RASGRF1: variants seen among roughly 807,000 people sequenced by gnomAD.
The protein encoded by RASGRF1 is ras-specific guanine nucleotide-releasing factor 1.
Under a neutral mutation model 138.7 loss-of-function variants are expected in RASGRF1, and 40 were observed. The observed-to-expected ratio is 0.29, with a 90% CI of 0.22 to 0.38. The LOEUF (loss-of-function observed/expected upper bound fraction) is 0.38, where lower values mean the gene tolerates loss of function less well. RASGRF1 is among the 10% of genes least tolerant of loss of function. The pLI is 1.00. For missense variants in RASGRF1, 1,108 were observed against 1,650.4 expected (o/e 0.67, Z 5.69); for synonymous variants, 614 against 663.2 (o/e 0.93, Z 1.14).
At chr15:78,985,286 T>G in intron 22 of RASGRF1, 82 bp from the exon 23 acceptor site, 1 of 1,331,564 alleles carries the variant, frequency 7.5e-7, no homozygotes, top group Non-Finnish European at 1.0e-6. Context: ...GCAGATATGA[T>G]TGCCTGCTTG....
chr15:79,075,095 T>C (rs571857443), intron 1 of RASGRF1, among the ~76,000 whole-genome samples: 6 of 152,188 alleles, frequency 3.9e-5, no homozygotes, highest in Non-Finnish European at 8.8e-5. Context: ...CAACCATGGC[T>C]GGACACTGGA....
intron 10 of RASGRF1, among the ~76,000 whole-genome samples, chr15:79,020,651 G>A (rs945012332): frequency 3.9e-5 from 6 of 152,190 alleles, no homozygotes; most frequent in Non-Finnish European, 7.3e-5. Context: ...CCCAGTCCTG[G>A]TCAGTTACTT....
At chr15:79,035,029 G>T in intron 6 of RASGRF1, 102 bp downstream of exon 6, 1 of 914,234 alleles carries the variant, frequency 1.1e-6, no homozygotes, top group Non-Finnish European at 1.6e-6. Context: ...TTTAAAAAGT[G>T]ACACTCTATT....
chr15:79,080,473 A>G (rs1404220950), intron 1 of RASGRF1, among the ~76,000 whole-genome samples: 1 of 152,238 alleles, frequency 6.6e-6, no homozygotes, highest in Non-Finnish European at 1.5e-5. Flanking sequence ...AGTTTGGCTA[A>G]GAGCCCAAGA....
At chr15:78,985,471 T>C in intron 22 of RASGRF1, 1 of 368,218 alleles carries the variant, frequency 2.7e-6, no homozygotes, top group East Asian at 5.2e-5. Context: ...TGTAAATACC[T>C]AGGAACTTAA....
At chr15:78,981,889 C>T (rs1393922440) in intron 23 of RASGRF1, among the ~76,000 whole-genome samples, 1 of 152,236 alleles carries the variant, frequency 6.6e-6, no homozygotes, top group Non-Finnish European at 1.5e-5. Flanking sequence ...GCTGGATGCC[C>T]TGGCCCACCT....
At chr15:78,966,225 ATTTT>A (rs3063545) in intron 26 of RASGRF1, among the ~76,000 whole-genome samples, 1,520 of 110,706 alleles carry the variant, frequency 0.014, 27 homozygotes, top group African/African-American at 0.045. Flanking sequence ...GAGGACTTAA[ATTTT>A]TTTTTTTTTT....
intron 1 of RASGRF1, among the ~76,000 whole-genome samples, chr15:79,071,567 G>C (rs1375634925): frequency 6.8e-6 from 1 of 146,668 alleles, no homozygotes; most frequent in African/African-American, 2.6e-5. Flanking sequence ...ACGGGGTTTT[G>C]CCATGTTGGC....
intron 24 of RASGRF1, among the ~76,000 whole-genome samples, chr15:78,977,403 G>A (rs752266772): frequency 6.6e-6 from 1 of 152,176 alleles, no homozygotes; most frequent in Non-Finnish European, 1.5e-5. Flanking sequence ...CGAGGTACAG[G>A]GTGATCAGGT....
chr15:79,045,005 AT>A (rs1415251759), intron 5 of RASGRF1, among the ~76,000 whole-genome samples: 2 of 152,218 alleles, frequency 1.3e-5, no homozygotes, highest in African/African-American at 4.8e-5. Flanking sequence ...CTTAGTGATG[AT>A]GATAAATGGT....
chr15:79,015,101 T>A (rs2056859079), intron 13 of RASGRF1, among the ~76,000 whole-genome samples: 1 of 150,132 alleles, frequency 6.7e-6, no homozygotes. Flanking sequence ...CCTATGGAAA[T>A]AAAAAATTTA....
At position 79,072,267 on chromosome 15, in the gene RASGRF1, CTTTTTTTTTTTTT is replaced by C. The variant is rs758415767; in HGVS notation, c.277-7754_277-7742del. 4.9e-4 allele frequency among the ~76,000 whole-genome samples: 30 copies of C among 61,586 alleles called. 1 individual carries two copies. In the East Asian group the frequency reaches 0.025, roughly 51 times the overall value. 40.4% of individuals were successfully genotyped at this position (61,586 alleles called of 152,430 possible). On this transcript the variant is annotated intron_variant, in intron 1 of 26. Transcript: ENST00000558480. ...TTTCTGGGAGTTCTTGATAAACAATCTTTTTTTTTTTTTTTTTTTTTTTTTTGAGACGCAGTCT... is the reference window on the plus strand; with the variant it reads ...TTTCTGGGAGTTCTTGATAAACAATCTTTTTTTTTTTTTGAGACGCAGTCT...
chr15:79,009,617 G>A (rs1386890875), intron 13 of RASGRF1, among the ~76,000 whole-genome samples: 1 of 152,190 alleles, frequency 6.6e-6, no homozygotes, highest in Non-Finnish European at 1.5e-5. Context: ...AAGAGAAAGT[G>A]AAGAAAAGCC....
intron 24 of RASGRF1, among the ~76,000 whole-genome samples, chr15:78,974,535 A>G (rs1231684230): frequency 6.6e-6 from 1 of 152,228 alleles, no homozygotes; most frequent in Non-Finnish European, 1.5e-5. Flanking sequence ...CAATGATAGC[A>G]GCTAAGACAG....
chr15:79,004,393 T>C (rs2141715760), intron 14 of RASGRF1, among the ~76,000 whole-genome samples: 1 of 152,286 alleles, frequency 6.6e-6, no homozygotes, highest in South Asian at 2.1e-4. Flanking sequence ...GCAGAGGATC[T>C]GGGGCTTCTA....
intron 26 of RASGRF1, among the ~76,000 whole-genome samples, chr15:78,970,184 C>T (rs911825059): frequency 1.3e-5 from 2 of 152,072 alleles, no homozygotes; most frequent in African/African-American, 4.8e-5. Context: ...GAACTGCACA[C>T]TAGGAGGTTA....
At chr15:79,031,214 G>A (rs896589942) in intron 8 of RASGRF1, among the ~76,000 whole-genome samples, 186 bp downstream of exon 8, 1 of 152,162 alleles carries the variant, frequency 6.6e-6, no homozygotes. Flanking sequence ...GCCTACCGGG[G>A]CTTGAGTTGT....
In RASGRF1 at chr15:78,984,999, G is replaced by A. The variant is rs1323925774; in HGVS notation, c.3414+8C>T. ...AGGGAGGCAGTGGTGCCAGCCTCCT[G>A]CCCGCACCTGCTTAGAGACTTTGAG... On this transcript the variant is annotated splice_region_variant and intron_variant, in intron 23 of 26. Coordinates refer to ENST00000558480, the MANE Select transcript of RASGRF1 (RefSeq NM_001145648.3). 6.2e-7 allele frequency: 1 copy of A among 1,613,470 alleles called. No homozygotes were observed. Among genetic ancestry groups the A allele is most frequent in the South Asian group, 1.1e-5 (1 of 91,044 alleles).
chr15:78,980,779 A>C, intron 23 of RASGRF1, 80 bp from the exon 24 acceptor site: 3 of 1,076,718 alleles, frequency 2.8e-6, no homozygotes, highest in Non-Finnish European at 4.1e-6. Flanking sequence ...CCACACTCCA[A>C]CATGCTGCCC....
Sources: allele counts gnomAD v4.1 joint callset (sites outside exome capture counted in the v4.1 genomes callset), GRCh38; gene constraint gnomAD v4.1.1; transcripts MANE v1.5; gene names NCBI Gene and HGNC (gene_info 2026-07-23, HGNC 2026-07-21).